Variants in NBPF26 observed in about 807,000 individuals in gnomAD.
The protein encoded by NBPF26 is NBPF family member NBPF26.
Under a neutral mutation model 119.6 loss-of-function variants are expected in NBPF26, and 79 were observed. That is an observed-to-expected ratio of 0.66 (90% CI 0.55 to 0.80). The LOEUF (loss-of-function observed/expected upper bound fraction) is 0.80. Among genes scored for constraint, NBPF26 ranks in the 30% least tolerant of loss-of-function variants. The pLI, the probability that NBPF26 is intolerant of heterozygous loss-of-function variation, is 0.00. For missense variants in NBPF26, 800 were observed against 1,198.2 expected (o/e 0.67, Z 4.91); for synonymous variants, 299 against 457.7 (o/e 0.65, Z 4.43).
In NBPF26 at chr1:120,814,402, ATTCTT is replaced by A. The variant is rs1344051519; in HGVS notation, c.1877+415_1878-417del. On this transcript the variant is annotated intron_variant, in intron 11 of 29. Transcript: ENST00000620612. ...TCAATGTTGCCTTCTCGACCCTGTC[ATTCTT>A]TTCTTCTTTCTTCTTTTCAATTCGC... Among the ~76,000 whole-genome samples the A allele has an allele frequency of 1.9e-5, 2 of 107,778 alleles. 1 individual carries two copies. Among genetic ancestry groups the A allele is most frequent in the South Asian group, 5.7e-4 (2 of 3,506 alleles). 70.7% of individuals were successfully genotyped at this position (107,778 alleles called of 152,430 possible).
chr1:120,820,528 TG>T (rs1418080073), intron 15 of NBPF26, among the ~76,000 whole-genome samples: 23 of 15,466 alleles, frequency 1.5e-3, no homozygotes, highest in Non-Finnish European at 2.6e-3. Flanking sequence ...ACTATACATA[TG>T]GAAAAAAAAA....
At chr1:120,784,221 A>ATACAGTAGG (rs1651397261) in intron 2 of NBPF26, among the ~76,000 whole-genome samples, 1 of 118,748 alleles carries the variant, frequency 8.4e-6, no homozygotes, top group Non-Finnish European at 1.6e-5. Context: ...AACTTTATTA[A>ATACAGTAGG]TACAGTAGGT....
rs1651928773 is a variant in NBPF26, at chr1:120,813,535, A to G, written c.1775-356A>G. On this transcript the variant is annotated intron_variant, in intron 10 of 29. Coordinates refer to ENST00000620612, the Ensembl canonical transcript of NBPF26. ...TTTCCCAACTGTACAAGAAATCACTACTTCATGCCCCAGTGCAGTGTTTTA... is the reference window on the plus strand; with the variant it reads ...TTTCCCAACTGTACAAGAAATCACTGCTTCATGCCCCAGTGCAGTGTTTTA... Among the ~76,000 whole-genome samples, 2 of 127,562 alleles carry G rather than the reference A, an allele frequency of 1.6e-5. 1 individual carries two copies. The highest frequency in any genetic ancestry group is 3.2e-5 in the Non-Finnish European group (2 of 61,886). 83.7% of individuals were successfully genotyped at this position (127,562 alleles called of 152,430 possible). A position where few individuals can be genotyped will look rare whatever the true frequency, so the allele number is the denominator to read the frequency against.
Position 120,802,684 on chromosome 1 carries a change from C to T in NBPF26, c.752-2872C>T, listed in dbSNP as rs2101483601. ...ATCATACTGCTAAGAATTCAAACTT[C>T]AGCAGTCATAGGTAAGTAAGGAAGT... is the stretch of plus-strand genomic sequence containing the variant. On this transcript the variant is annotated intron_variant, in intron 4 of 29. Transcript: ENST00000620612. 1.7e-5 allele frequency among the ~76,000 whole-genome samples: 2 copies of T among 119,424 alleles called. 1 individual carries two copies. Among genetic ancestry groups the T allele is most frequent in the South Asian group, 4.9e-4 (2 of 4,106 alleles). 78.3% of individuals were successfully genotyped at this position (119,424 alleles called of 152,430 possible).
Position 120,751,526 on chromosome 1 carries a change from C to G in NBPF26, c.74-12102C>G, listed in dbSNP as rs1651021317. Among the ~76,000 whole-genome samples the G allele has an allele frequency of 6.7e-5, 2 of 29,770 alleles. 1 individual carries two copies. Among genetic ancestry groups the G allele is most frequent in the Non-Finnish European group, 1.5e-4 (2 of 13,448 alleles). 19.5% of individuals were successfully genotyped at this position (29,770 alleles called of 152,430 possible). On this transcript the variant is annotated intron_variant, in intron 1 of 29. Transcript: ENST00000620612. Reference sequence around the variant, plus strand: ...CCAGAATCTGTCTTCTGGTGGAATTCCCTTAGGCTTCCAGACAGGAGTGGC... The same window carrying G: ...CCAGAATCTGTCTTCTGGTGGAATTGCCTTAGGCTTCCAGACAGGAGTGGC...
At chr1:120,811,574 C>T (rs1356493973) in intron 9 of NBPF26, among the ~76,000 whole-genome samples, 1 of 112,790 alleles carries the variant, frequency 8.9e-6, no homozygotes, top group Non-Finnish European at 1.7e-5. Context: ...GAAAATTAAG[C>T]AAAACGAAAT....
exon 3 of NBPF26, chr1:120,785,181 C>T: frequency 1.4e-6 from 2 of 1,445,462 alleles, no homozygotes; most frequent in Non-Finnish European, 1.8e-6. Flanking sequence ...GCGGCACATG[C>T]CATATGCTCA....
chr1:120,769,273 C>T (rs1232515501), intron 2 of NBPF26, among the ~76,000 whole-genome samples: 1 of 151,954 alleles, frequency 6.6e-6, no homozygotes. Context: ...GCTTCTCCCC[C>T]AAAAAGGCGT....
chr1:120,781,760 G>C (rs1651364034), intron 2 of NBPF26, among the ~76,000 whole-genome samples: 1 of 115,112 alleles, frequency 8.7e-6, no homozygotes, highest in Non-Finnish European at 1.7e-5. Context: ...AGACAGGACT[G>C]TGTTAGCCAG....
chr1:120,779,397 G>A (rs1277564409), intron 2 of NBPF26, among the ~76,000 whole-genome samples: 1 of 104,514 alleles, frequency 9.6e-6, no homozygotes, highest in Non-Finnish European at 1.9e-5. Flanking sequence ...GTTTAAAATG[G>A]AAAAATGCTC....
At chr1:120,769,868 CA>C (rs1381786734) in intron 2 of NBPF26, among the ~76,000 whole-genome samples, 3 of 106,812 alleles carry the variant, frequency 2.8e-5, no homozygotes, top group Non-Finnish European at 5.7e-5. Context: ...GCCTTCTGTA[CA>C]GGGGCCGCCA....
At chr1:120,806,660 G>A (rs1287578305) in intron 5 of NBPF26, among the ~76,000 whole-genome samples, 1 of 122,220 alleles carries the variant, frequency 8.2e-6, no homozygotes, top group East Asian at 2.0e-4. Flanking sequence ...CTTGGTGAGA[G>A]TGAAGTCCTG....
At chr1:120,822,895 C>G (rs1225520587) in intron 16 of NBPF26, among the ~76,000 whole-genome samples, 1 of 122,176 alleles carries the variant, frequency 8.2e-6, no homozygotes, top group Admixed American at 7.9e-5. Flanking sequence ...GACTCAAGAG[C>G]TGGTACATTG....
intron 1 of NBPF26, among the ~76,000 whole-genome samples, chr1:120,761,581 TTTATTTAAAGAAAAAAAG>T (rs1344074199): frequency 1.9e-5 from 1 of 53,614 alleles, no homozygotes; most frequent in Non-Finnish European, 3.2e-5. Context: ...TATTTATTAT[TTTATTTAAAGAAAAAAAG>T]TAAATAGAAA....
At chr1:120,833,469 T>C (rs2101551570) in intron 23 of NBPF26, 134 bp from the exon 28 acceptor site, 8 of 536,230 alleles carry the variant, frequency 1.5e-5, no homozygotes, top group South Asian at 1.2e-4. Flanking sequence ...ATAAAGGCAA[T>C]AATTTGTTAC....
rs1205592039 is a variant in NBPF26 at position 120,747,832 on chromosome 1, C to T, written c.74-15796C>T. On this transcript the variant is annotated intron_variant, in intron 1 of 29. Transcript: ENST00000620612. ...TTTGTAGCTTATCTTTTACTCCCCA[C>T]GTTTCAAATATCCCTTTGCAAAATA... 1.8e-3 allele frequency among the ~76,000 whole-genome samples: 53 copies of T among 29,766 alleles called. 24 individuals carry two copies. The highest frequency in any genetic ancestry group is 5.6e-3 in the African/African-American group (14 of 2,482). The allele number at this position is 29,766 out of a possible 152,430, so 19.5% of individuals were successfully genotyped here. A position where few individuals can be genotyped will look rare whatever the true frequency, so the allele number is the denominator to read the frequency against.
Position 120,805,683 on chromosome 1 carries a change from C to A in NBPF26, c.879C>A (p.Asn293Lys). Reference sequence around the variant, plus strand: ...CATTGCGCCCCCAGCTGCCAGAGAACAAACAGCAGTTGAGAAACCTCAAAG... The same window carrying A: ...CATTGCGCCCCCAGCTGCCAGAGAAAAAACAGCAGTTGAGAAACCTCAAAG... Residue 293 changes from asparagine to lysine, a missense_variant, in exon 5 of 30, where the codon AAC becomes AAA. Physicochemically the swap from Asn to Lys is moderately conservative, Grantham distance 94. Transcript: ENST00000620612. 1.0e-5 allele frequency: 15 copies of A among 1,458,738 alleles called. 3 individuals carry two copies. Among genetic ancestry groups the A allele is most frequent in the Non-Finnish European group, 1.1e-5 (12 of 1,080,140 alleles). 90.4% of individuals were successfully genotyped at this position (1,458,738 alleles called of 1,614,324 possible).
In NBPF26 at chr1:120,767,974, T is replaced by G. The variant is rs1387705831; in HGVS notation, c.155+4265T>G. On this transcript the variant is annotated intron_variant, in intron 2 of 29. Transcript: ENST00000620612. The stretch of plus-strand genomic sequence containing the variant: ...TATCAACTGCTCCTTCTTTGGACCA[T>G]GGGTATGACTTCCCTTTACTTTACA... Among the ~76,000 whole-genome samples the G allele has an allele frequency of 2.6e-5, 3 of 117,030 alleles. 1 individual carries two copies. The South Asian group carries it at 7.5e-4, about 29-fold the overall frequency. 76.8% of individuals were successfully genotyped at this position (117,030 alleles called of 152,430 possible).
At chr1:120,816,599 C>T in intron 13 of NBPF26, 23 bp from the exon 14 acceptor site, 1 of 861,464 alleles carries the variant, frequency 1.2e-6, no homozygotes, top group Non-Finnish European at 1.7e-6. Context: ...CTTCTGTCAT[C>T]TCTGTCCCAC....
Sources: allele counts gnomAD v4.1 joint callset (sites outside exome capture counted in the v4.1 genomes callset), GRCh38; gene constraint gnomAD v4.1.1; transcripts MANE v1.5; gene names NCBI Gene and HGNC (gene_info 2026-07-23, HGNC 2026-07-21).